Variants in TJP1 observed in about 807,000 individuals in gnomAD.
TJP1 encodes tight junction protein ZO-1.
A neutral mutation model predicts 194.2 loss-of-function variants in TJP1; 43 were observed. The ratio of observed to expected loss-of-function variants is 0.22; its 90% CI spans 0.17 to 0.29. TJP1 has a LOEUF of 0.29. TJP1 is among the 10% of genes least tolerant of loss of function. The probability of loss-of-function intolerance (pLI) is 1.00; values close to 1 mark genes in which losing one functional copy is unlikely to be tolerated. For synonymous variants in TJP1, 801 were observed against 779.0 expected, an observed-to-expected ratio of 1.03 and a Z score of -0.47; for missense variants, 1,971 against 2,185.7, an observed-to-expected ratio of 0.90 and a Z score of 1.96.
At chr15:29,743,042 A>G (rs1199786939) in intron 8 of TJP1, 1 of 266,394 alleles carries the variant, frequency 3.8e-6, no homozygotes. Context: ...TTCCAAACAA[A>G]ACTGTTGGAG....
chr15:29,967,116 C>T (rs1487702709), intron 1 of TJP1, among the ~76,000 whole-genome samples: 1 of 151,592 alleles, frequency 6.6e-6, no homozygotes, highest in Non-Finnish European at 1.5e-5. Context: ...CGGGTTCAAG[C>T]GATTCTCCTG....
intron 1 of TJP1, among the ~76,000 whole-genome samples, chr15:29,819,575 T>G (rs995320649): frequency 1.3e-5 from 2 of 152,240 alleles, no homozygotes; most frequent in Non-Finnish European, 2.9e-5. Flanking sequence ...ACTGTGAATT[T>G]CTAACAAGTT....
intron 2 of TJP1, among the ~76,000 whole-genome samples, chr15:29,776,939 G>GA (rs2047052283): frequency 6.6e-6 from 1 of 152,056 alleles, no homozygotes; most frequent in Non-Finnish European, 1.5e-5. Context: ...TCATTTTGGA[G>GA]AAATATGTTT....
chr15:29,962,637 C>T (rs2056200052), intron 1 of TJP1, among the ~76,000 whole-genome samples: 1 of 152,170 alleles, frequency 6.6e-6, no homozygotes, highest in Admixed American at 6.5e-5. Context: ...AGCTGTGAGA[C>T]ACTGCTAAGT....
intron 2 of TJP1, among the ~76,000 whole-genome samples, chr15:29,866,498 G>A (rs1464233445): frequency 6.6e-6 from 1 of 152,044 alleles, no homozygotes; most frequent in African/African-American, 2.4e-5. Context: ...CACACTCACT[G>A]GAAAACAAAT....
chr15:29,761,133 T>A lies in TJP1; in HGVS notation c.1010+6A>T. 1 of 1,586,834 alleles carries A rather than the reference T, an allele frequency of 6.3e-7. No homozygotes were observed. The highest frequency in any genetic ancestry group is 1.2e-5 in the South Asian group (1 of 86,244). On this transcript the variant is annotated splice_donor_region_variant and intron_variant, in intron 8 of 27. Transcript: ENST00000614355. ...CTGTATTTTTTAAAAAAATAGGGTG[T>A]CTTACCTGCCATTGCTTGGCTGCTG... is the stretch of plus-strand genomic sequence containing the variant.
chr15:29,945,639 T>G (rs2055250125), intron 2 of TJP1, among the ~76,000 whole-genome samples: 1 of 152,154 alleles, frequency 6.6e-6, no homozygotes. Flanking sequence ...AGAGTAAGTT[T>G]GACAGCAACA....
intron 5 of TJP1, among the ~76,000 whole-genome samples, chr15:29,765,564 C>T (rs979686093): frequency 6.6e-6 from 1 of 151,982 alleles, no homozygotes; most frequent in African/African-American, 2.4e-5. Flanking sequence ...CCTTAAATTC[C>T]TCCATTTAAA....
intron 8 of TJP1, among the ~76,000 whole-genome samples, chr15:29,754,312 G>A (rs2045501917): frequency 6.6e-6 from 1 of 152,172 alleles, no homozygotes; most frequent in South Asian, 2.1e-4. Context: ...GTAAGTGGGA[G>A]CTAAATGGTA....
At chr15:29,823,538 A>G (rs1451584437), upstream of TJP1, 1 of 152,218 alleles carries the variant, frequency 6.6e-6, no homozygotes, top group East Asian at 1.9e-4. Flanking sequence ...GCTTTAGACA[A>G]TGGTTTTCTC....
At chr15:29,807,115 A>T in intron 1 of TJP1, among the ~76,000 whole-genome samples, 1 of 152,216 alleles carries the variant, frequency 6.6e-6, no homozygotes, top group East Asian at 1.9e-4. Flanking sequence ...CAAATGTATC[A>T]CTGTGTCCAT....
chr15:29,796,153 A>G (rs1039179382), intron 2 of TJP1, among the ~76,000 whole-genome samples: 1 of 152,078 alleles, frequency 6.6e-6, no homozygotes, highest in East Asian at 1.9e-4. Flanking sequence ...ACCATTCCTA[A>G]TTAACAACAT....
At chr15:29,803,270 C>T (rs551517111) in intron 1 of TJP1, among the ~76,000 whole-genome samples, 2 of 152,182 alleles carry the variant, frequency 1.3e-5, no homozygotes, top group South Asian at 4.1e-4. Flanking sequence ...ACAGACAGTC[C>T]CTGACTTAGG....
intron 11 of TJP1, 70 bp downstream of exon 11, chr15:29,737,194 T>G: frequency 6.4e-7 from 1 of 1,556,806 alleles, no homozygotes; most frequent in South Asian, 1.2e-5. Context: ...AATAGTAAGC[T>G]TGTTGTTTGA....
rs142439318 is a variant in TJP1, at chr15:29,766,569, A to G, written c.313-27T>C. 5.9e-6 allele frequency: 9 copies of G among 1,522,016 alleles called. No homozygotes were observed. The East Asian group carries it at 2.0e-4, about 35-fold the overall frequency. The allele number at this position is 1,522,016 out of a possible 1,614,324, so 94.3% of individuals were successfully genotyped here. A position where few individuals can be genotyped will look rare whatever the true frequency, so the allele number is the denominator to read the frequency against. ...TGCAAGTTAAAAAGGTTAAAAAATA[A>G]GTTGACTGATTTTCATATATGTACG... On this transcript the variant is annotated intron_variant, in intron 4 of 27. Coordinates refer to ENST00000614355, the MANE Select transcript of TJP1 (RefSeq NM_001330239.4).
chr15:29,746,303 G>A (rs1032586049), intron 8 of TJP1, among the ~76,000 whole-genome samples: 7 of 152,090 alleles, frequency 4.6e-5, no homozygotes, highest in Admixed American at 1.3e-4. Context: ...GCGTGAACCC[G>A]GGAGGCGGAG....
chr15:29,949,664 A>T (rs2055545717), intron 2 of TJP1, among the ~76,000 whole-genome samples: 3 of 104,450 alleles, frequency 2.9e-5, no homozygotes, highest in Non-Finnish European at 4.0e-5. Flanking sequence ...CTCCACCTCC[A>T]CAACCACCAC....
At chr15:29,820,595 G>C (rs12909418) in intron 1 of TJP1, 2 of 716,284 alleles carry the variant, frequency 2.8e-6, no homozygotes, top group Non-Finnish European at 5.2e-6. Context: ...AAAGTGTGTT[G>C]TCTTGCATAT....
At chr15:29,833,499 T>C (rs2050900268) in intron 2 of TJP1, among the ~76,000 whole-genome samples, 1 of 151,860 alleles carries the variant, frequency 6.6e-6, no homozygotes, top group African/African-American at 2.4e-5. Context: ...GTTCAAGCAA[T>C]TCTCATGTCT....
Sources: gnomAD v4.1 joint callset for allele counts (sites outside exome capture counted in the v4.1 genomes callset) on GRCh38, gnomAD v4.1.1 for gene constraint, MANE v1.5 for transcripts, NCBI Gene and HGNC (gene_info 2026-07-23, HGNC 2026-07-21) for gene names.